The following ENPP1 variants were observed in gnomAD, a reference collection of about 807,000 sequenced individuals.
ENPP1 encodes the protein ectonucleotide pyrophosphatase/phosphodiesterase family member 1.
ENPP1 carries 73 observed loss-of-function variants against 122.8 expected under a neutral mutation model. The observed-to-expected ratio is 0.59, with a 90% CI of 0.49 to 0.72. The LOEUF (loss-of-function observed/expected upper bound fraction) is 0.72. Ranked by LOEUF, ENPP1 falls within the 30% of genes least tolerant of loss-of-function variation. The pLI is 0.00. For synonymous variants in ENPP1, 367 were observed against 391.6 expected, an observed-to-expected ratio of 0.94 and a Z score of 0.74; for missense variants, 978 against 1,128.1, an observed-to-expected ratio of 0.87 and a Z score of 1.91.
At chr6:131,825,239 A>G (rs9385587) in intron 1 of ENPP1, among the ~76,000 whole-genome samples, 53,793 of 151,962 alleles carry the variant, frequency 0.35, 10,188 homozygotes, top group East Asian at 0.45. Context: ...AAACTATAAT[A>G]GCTTTAGTGA....
At chr6:131,832,714 G>A (rs1042326515) in intron 1 of ENPP1, among the ~76,000 whole-genome samples, 1 of 152,168 alleles carries the variant, frequency 6.6e-6, no homozygotes, top group African/African-American at 2.4e-5. Flanking sequence ...AACAGCAAGG[G>A]CTGGGGCATT....
At chr6:131,817,864 T>C (rs928410827) in intron 1 of ENPP1, among the ~76,000 whole-genome samples, 4 of 152,050 alleles carry the variant, frequency 2.6e-5, no homozygotes, top group Non-Finnish European at 4.4e-5. Flanking sequence ...AAGTAAATTG[T>C]CACAGCGAAT....
At chr6:131,827,330 A>G in intron 1 of ENPP1, 2 of 1,292,114 alleles carry the variant, frequency 1.5e-6, no homozygotes, top group South Asian at 1.2e-5. Context: ...AGGCAAAGTC[A>G]TTCTTGACAT....
intron 9 of ENPP1, among the ~76,000 whole-genome samples, chr6:131,862,600 A>C (rs1401290721): frequency 6.6e-6 from 1 of 152,158 alleles, no homozygotes; most frequent in African/African-American, 2.4e-5. Context: ...GGATGGAATT[A>C]TAGGGGATCA....
In ENPP1 at chr6:131,834,781, G is replaced by A. The variant is rs536848099; in HGVS notation, c.241-12995G>A. On this transcript the variant is annotated intron_variant, in intron 1 of 24. Transcript: ENST00000647893. The stretch of plus-strand genomic sequence containing the variant: ...TCACCATGTTGGCCAGGCTGGTCTC[G>A]AACTCCTGACTTCGTGATCTGCCCT... Among the ~76,000 whole-genome samples the A allele has an allele frequency of 1.6e-3, 244 of 151,792 alleles. 3 individuals carry two copies. The highest frequency in any genetic ancestry group is 0.01 in the Middle Eastern group (3 of 294).
intron 1 of ENPP1, among the ~76,000 whole-genome samples, chr6:131,830,351 A>G (rs567574007): frequency 6.6e-6 from 1 of 152,166 alleles, no homozygotes; most frequent in Non-Finnish European, 1.5e-5. Context: ...GGAGGGGGCA[A>G]GCTGCCCCAG....
intron 1 of ENPP1, among the ~76,000 whole-genome samples, chr6:131,839,790 A>G (rs1050707982): frequency 2.6e-5 from 4 of 152,168 alleles, no homozygotes; most frequent in Non-Finnish European, 4.4e-5. Context: ...ATATTCTTCT[A>G]AATCATGGCT....
rs1005297237 is a variant in ENPP1, at chr6:131,884,059, T to C, written c.2311+285T>C. ...AGTCTGCTAACACTTATATTAACTT[T>C]CATTCGGCTTCCTTATTTAACTTTT... On this transcript the variant is annotated intron_variant, in intron 22 of 24. Coordinates refer to ENST00000647893, the MANE Select transcript of ENPP1 (RefSeq NM_006208.3). Among the ~76,000 whole-genome samples, 16 of 152,340 alleles carry C rather than the reference T, an allele frequency of 1.1e-4. No individual in the cohort carries two copies. The East Asian group carries it at 2.7e-3, about 26-fold the overall frequency.
chr6:131,810,450 C>G (rs1372711661), intron 1 of ENPP1, among the ~76,000 whole-genome samples: 1 of 132,680 alleles, frequency 7.5e-6, no homozygotes, highest in Admixed American at 7.7e-5. Flanking sequence ...CCAACCCCGC[C>G]CCCCCCCCAA....
intron 1 of ENPP1, among the ~76,000 whole-genome samples, chr6:131,822,716 CTTTTA>C (rs565292773): frequency 3.8e-4 from 58 of 152,070 alleles, no homozygotes; most frequent in East Asian, 1.5e-3. Context: ...GATTTTGAGA[CTTTTA>C]TTTTAGTATC....
intron 2 of ENPP1, among the ~76,000 whole-genome samples, chr6:131,849,121 C>T (rs1475121155): frequency 6.6e-6 from 1 of 152,012 alleles, no homozygotes; most frequent in East Asian, 1.9e-4. Flanking sequence ...TAATGAACTT[C>T]AACAGTAAAA....
chr6:131,845,787 C>G (rs964211085), intron 1 of ENPP1, among the ~76,000 whole-genome samples: 1 of 152,082 alleles, frequency 6.6e-6, no homozygotes, highest in Non-Finnish European at 1.5e-5. Flanking sequence ...ATAGTTGTGT[C>G]AGTTTACACC....
chr6:131,851,913 T>C (rs1037979803), intron 4 of ENPP1, among the ~76,000 whole-genome samples: 2 of 152,218 alleles, frequency 1.3e-5, no homozygotes, highest in Non-Finnish European at 2.9e-5. Flanking sequence ...ATGGAAAAGA[T>C]ACCTTCAAGT....
Position 131,874,295 on chromosome 6 carries a change from A to C in ENPP1, c.1593A>C (p.Gly531=). The change falls in exon 16 of 25, where the codon GGA becomes GGC. Residue 531 remains glycine (G), a synonymous_variant. Transcript: ENST00000647893. ...ATCCCTCAGAAAGGAAATATTGTGGAAGTGGATTTCATGGCTCTGACAATG... is the reference window on the plus strand; with the variant it reads ...ATCCCTCAGAAAGGAAATATTGTGGCAGTGGATTTCATGGCTCTGACAATG... The part of the protein sequence containing the change: ...ALNPSERKYC[G]SGFHGSDNVF... The C allele has an allele frequency of 6.3e-7, 1 of 1,597,318 alleles. No homozygotes were observed. The highest frequency in any genetic ancestry group is 8.6e-7 in the Non-Finnish European group (1 of 1,165,574).
At chr6:131,890,315 T>C in intron 24 of ENPP1, 26 bp from the exon 25 acceptor site, 1 of 1,604,684 alleles carries the variant, frequency 6.2e-7, no homozygotes, top group Non-Finnish European at 8.5e-7. Context: ...TTGGTAACTT[T>C]TCTTTTATAT....
At chr6:131,853,524 GT>G (rs1169232867) in intron 5 of ENPP1, among the ~76,000 whole-genome samples, 1 of 152,018 alleles carries the variant, frequency 6.6e-6, no homozygotes, top group Admixed American at 6.6e-5. Flanking sequence ...TATGATTTCT[GT>G]TGATTGAATA....
In ENPP1 at chr6:131,851,503, C is replaced by T. The variant is rs114676646; in HGVS notation, c.556+236C>T. ...CTTCATAATTATGATTATGTGCACACGGCCAATAATATTTTATCTATAACC... is the reference window on the plus strand; with the variant it reads ...CTTCATAATTATGATTATGTGCACATGGCCAATAATATTTTATCTATAACC... On this transcript the variant is annotated intron_variant, in intron 4 of 24. Coordinates refer to ENST00000647893, the MANE Select transcript of ENPP1 (RefSeq NM_006208.3). The T allele has an allele frequency of 6.6e-3, 3,346 of 506,674 alleles. 104 individuals carry two copies. Among genetic ancestry groups the T allele is most frequent in the African/African-American group, 0.059 (3,053 of 51,510 alleles). The allele number at this position is 506,674 out of a possible 1,614,324, so 31.4% of individuals were successfully genotyped here.
intron 1 of ENPP1, among the ~76,000 whole-genome samples, chr6:131,824,743 C>A (rs950947373): frequency 1.3e-5 from 2 of 152,012 alleles, no homozygotes; most frequent in Non-Finnish European, 2.9e-5. Context: ...TATGAGCCAC[C>A]GTGCCCAGCC....
intron 6 of ENPP1, among the ~76,000 whole-genome samples, chr6:131,857,169 T>C (rs1781958060): frequency 6.6e-6 from 1 of 151,112 alleles, no homozygotes; most frequent in Non-Finnish European, 1.5e-5. Flanking sequence ...GGAGAGGATG[T>C]GGAGAAATAG....
Sources: gnomAD v4.1 joint callset for allele counts (sites outside exome capture counted in the v4.1 genomes callset) on GRCh38, gnomAD v4.1.1 for gene constraint, MANE v1.5 for transcripts, NCBI Gene and HGNC (gene_info 2026-07-23, HGNC 2026-07-21) for gene names.